Variants in ATP11B observed in about 807,000 individuals in gnomAD.
The protein encoded by ATP11B is ATPase phospholipid transporting 11B (putative), also known as phospholipid-transporting ATPase IF.
ATP11B carries 81 observed loss-of-function variants against 157.8 expected under a neutral mutation model. That is an observed-to-expected ratio of 0.51 (90% CI 0.43 to 0.62). The LOEUF (loss-of-function observed/expected upper bound fraction) is 0.62. ATP11B is among the 20% of genes least tolerant of loss of function. The pLI is 0.00. For synonymous variants in ATP11B, 451 were observed against 469.4 expected (o/e 0.96, Z 0.51); for missense variants, 1,165 against 1,402.2 (o/e 0.83, Z 2.70).
chr3:182,915,689 G>C, intron 29 of ATP11B: 13 of 981,230 alleles, frequency 1.3e-5, no homozygotes, highest in Non-Finnish European at 1.6e-5. Flanking sequence ...CCATTTTCTT[G>C]ATATCGATTA....
intron 28 of ATP11B, among the ~76,000 whole-genome samples, chr3:182,910,384 T>A (rs2108594065): frequency 6.6e-6 from 1 of 152,174 alleles, no homozygotes; most frequent in Non-Finnish European, 1.5e-5. Flanking sequence ...GAGACCAGCC[T>A]GGGCCGTATA....
chr3:182,876,985 T>A (rs1722087542), intron 19 of ATP11B, among the ~76,000 whole-genome samples: 1 of 152,212 alleles, frequency 6.6e-6, no homozygotes, highest in South Asian at 2.1e-4. Flanking sequence ...TAAATCTTGA[T>A]AAAAATCTGT....
Position 182,884,796 on chromosome 3 carries a change from C to T in ATP11B, c.2553C>T (p.Asp851=), listed in dbSNP as rs771604398. ...GAAGACAGGCTGCAAGAAACAGTGA[C>T]TATGCAATAGCCAGATTTAAGTTCC... ...KEGRQAARNS[D]YAIARFKFLS... The change falls in exon 22 of 30, where the codon GAC becomes GAT. Residue 851 remains aspartate (D), a synonymous_variant. Transcript: ENST00000323116. 5 of 1,600,904 alleles carry T rather than the reference C, an allele frequency of 3.1e-6. No individual in the cohort carries two copies. Among genetic ancestry groups the T allele is most frequent in the Non-Finnish European group, 3.4e-6 (4 of 1,175,988 alleles).
At chr3:182,843,545 G>A (rs1218196400) in intron 8 of ATP11B, 1 of 152,164 alleles carries the variant, frequency 6.6e-6, no homozygotes, top group African/African-American at 2.4e-5. Flanking sequence ...TTACTTTTCT[G>A]ATTTTTATTT....
chr3:182,869,212 T>C lies in ATP11B; in HGVS notation c.1763-16T>C. The C allele has an allele frequency of 6.4e-7, 1 of 1,562,856 alleles. No individual in the cohort carries two copies. The highest frequency in any genetic ancestry group is 8.8e-7 in the Non-Finnish European group (1 of 1,142,650). On this transcript the variant is annotated splice_polypyrimidine_tract_variant and intron_variant, in intron 16 of 29. Coordinates refer to ENST00000323116, the MANE Select transcript of ATP11B (RefSeq NM_014616.3). ...GTAATATTAAGAGTCTGATAACTCA[T>C]TTTTTTTGTCTCTAGGTGAGAAGTT...
Position 182,920,070 on chromosome 3 carries a change from C to T in ATP11B, c.*1966C>T, listed in dbSNP as rs1725370148. ...AATGACACCCAGTAGGCCTGCATTA[C>T]ATTTACATGACCGTGTTTATTTGCC... On this transcript the variant is annotated 3_prime_UTR_variant, in exon 30 of 30. Coordinates refer to ENST00000323116, the MANE Select transcript of ATP11B (RefSeq NM_014616.3). The T allele has an allele frequency of 6.6e-6, 1 of 152,156 alleles. No homozygotes were observed. The highest frequency in any genetic ancestry group is 1.5e-5 in the Non-Finnish European group (1 of 68,024). The allele number at this position is 152,156 out of a possible 1,614,324, so 9.4% of individuals were successfully genotyped here.
At chr3:182,827,682 T>A (rs1447526019) in intron 2 of ATP11B, among the ~76,000 whole-genome samples, 2 of 151,910 alleles carry the variant, frequency 1.3e-5, no homozygotes, top group African/African-American at 2.4e-5. Flanking sequence ...CTAAACAAAC[T>A]ATTTCCTCTG....
chr3:182,863,507 C>T (rs1011234200), intron 12 of ATP11B, among the ~76,000 whole-genome samples: 3 of 152,032 alleles, frequency 2.0e-5, no homozygotes, highest in African/African-American at 7.2e-5. Flanking sequence ...CTCAGCCTCT[C>T]TTTTTGCTTT....
In ATP11B at chr3:182,793,684, CCT is replaced by C; in HGVS notation, c.-73_-72del. 9.6e-7 allele frequency: 1 copy of C among 1,040,648 alleles called. No homozygotes were observed. The highest frequency in any genetic ancestry group is 1.3e-6 in the Non-Finnish European group (1 of 748,838). The allele number at this position is 1,040,648 out of a possible 1,614,324, so 64.5% of individuals were successfully genotyped here. On this transcript the variant is annotated 5_prime_UTR_variant, in exon 1 of 30. Coordinates refer to ENST00000323116, the MANE Select transcript of ATP11B (RefSeq NM_014616.3). ...GGCCCGAGGGGCTCGCCCGCTCCCG[CCT>C]CTGTCTTGTCGGCCTCCACCTGCAG...
chr3:182,806,408 A>C (rs1479364979), intron 1 of ATP11B, among the ~76,000 whole-genome samples: 1 of 152,138 alleles, frequency 6.6e-6, no homozygotes, highest in Non-Finnish European at 1.5e-5. Context: ...AATTCAGAAA[A>C]ATTTTTAGCC....
chr3:182,916,222 C>T, intron 29 of ATP11B: 1 of 985,250 alleles, frequency 1.0e-6, no homozygotes, highest in Non-Finnish European at 1.2e-6. Context: ...TCCATTGTGA[C>T]TTTAGAGTAG....
rs1725258987 is a variant in ATP11B, at chr3:182,918,154, C to T, written c.*50C>T. On this transcript the variant is annotated 3_prime_UTR_variant, in exon 30 of 30. Coordinates refer to ENST00000323116, the MANE Select transcript of ATP11B (RefSeq NM_014616.3). ...CCAGTTCACCTCCTTTCCTAAAATT[C>T]AGTGTGATCACCCTGTTAATGGCCA... The T allele has an allele frequency of 6.2e-7, 1 of 1,609,208 alleles. No homozygotes were observed. Among genetic ancestry groups the T allele is most frequent in the African/African-American group, 1.3e-5 (1 of 74,854 alleles).
At chr3:182,798,813 TATCTC>T (rs1471829194) in intron 1 of ATP11B, among the ~76,000 whole-genome samples, 4 of 152,356 alleles carry the variant, frequency 2.6e-5, no homozygotes, top group Middle Eastern at 3.4e-3. Flanking sequence ...GGATGTAAAA[TATCTC>T]ATTCATTTTC....
At chr3:182,797,986 A>C (rs1715738799) in intron 1 of ATP11B, among the ~76,000 whole-genome samples, 3 of 152,144 alleles carry the variant, frequency 2.0e-5, no homozygotes, top group Non-Finnish European at 4.4e-5. Flanking sequence ...AAGAAAAAAA[A>C]ATTAGCTGGG....
At chr3:182,868,383 G>A (rs576164873) in intron 15 of ATP11B, among the ~76,000 whole-genome samples, 2 of 149,240 alleles carry the variant, frequency 1.3e-5, no homozygotes, top group East Asian at 2.0e-4. Context: ...TCATGTGAGA[G>A]CCTGTCTAGC....
At chr3:182,800,785 A>AT (rs34173579) in intron 1 of ATP11B, among the ~76,000 whole-genome samples, 70,658 of 135,018 alleles carry the variant, frequency 0.52, 20,419 homozygotes, top group Non-Finnish European at 0.66. Flanking sequence ...AATTCTTTTG[A>AT]TTTTTTTTTT....
At chr3:182,889,905 A>G (rs1723063457) in intron 25 of ATP11B, among the ~76,000 whole-genome samples, 1 of 152,152 alleles carries the variant, frequency 6.6e-6, no homozygotes, top group Non-Finnish European at 1.5e-5. Flanking sequence ...AATATGCCCC[A>G]TCTCCATTAG....
intron 18 of ATP11B, 117 bp downstream of exon 18, chr3:182,872,654 A>C: frequency 4.2e-6 from 4 of 955,498 alleles, no homozygotes; most frequent in Non-Finnish European, 6.0e-6. Context: ...ATTTAAGATC[A>C]AAGTAGAGAA....
chr3:182,901,289 G>C (rs193022329), intron 28 of ATP11B, among the ~76,000 whole-genome samples: 20 of 150,860 alleles, frequency 1.3e-4, no homozygotes, highest in African/African-American at 4.4e-4. Flanking sequence ...CTTGAATCTG[G>C]GGGGCAGAGG....
Sources: allele counts gnomAD v4.1 joint callset (sites outside exome capture counted in the v4.1 genomes callset), GRCh38; gene constraint gnomAD v4.1.1; transcripts MANE v1.5; gene names NCBI Gene and HGNC (gene_info 2026-07-23, HGNC 2026-07-21).